NEDD9: variants seen among roughly 807,000 people sequenced by gnomAD.
The protein encoded by NEDD9 is neural precursor cell expressed, developmentally down-regulated 9, also known as enhancer of filamentation 1.
A neutral mutation model predicts 76.6 loss-of-function variants in NEDD9; 26 were observed. That is an observed-to-expected ratio of 0.34 (90% confidence interval 0.25 to 0.47). NEDD9 has a LOEUF of 0.47. NEDD9 is among the 20% of genes least tolerant of loss of function. NEDD9 has a pLI of 1.00. For missense variants in NEDD9, 937 were observed against 1,058.5 expected (o/e 0.89, Z 1.59); for synonymous variants, 392 against 414.2 (o/e 0.95, Z 0.65).
At chr6:11,357,767 C>T (rs1214115552) in intron 1 of NEDD9, among the ~76,000 whole-genome samples, 1 of 152,174 alleles carries the variant, frequency 6.6e-6, no homozygotes, top group Non-Finnish European at 1.5e-5. Flanking sequence ...GGAAGCAGTC[C>T]TTGGAAAGAG....
chr6:11,270,763 C>T (rs952450018), intron 3 of NEDD9, among the ~76,000 whole-genome samples: 9 of 152,176 alleles, frequency 5.9e-5, no homozygotes, highest in African/African-American at 1.9e-4. Flanking sequence ...TAGTTATTTA[C>T]GTTCAGTCTA....
chr6:11,345,807 G>A (rs1054214184), intron 1 of NEDD9, among the ~76,000 whole-genome samples: 4 of 151,952 alleles, frequency 2.6e-5, no homozygotes, highest in Non-Finnish European at 5.9e-5. Context: ...TTTTAGCTGA[G>A]ATCGAAGGCC....
At chr6:11,220,797 A>C (rs907796319) in intron 1 of NEDD9, among the ~76,000 whole-genome samples, 2 of 152,190 alleles carry the variant, frequency 1.3e-5, no homozygotes, top group African/African-American at 2.4e-5. Context: ...GGGTTCCTCA[A>C]AAGCTGGGTT....
At chr6:11,196,999 G>C (rs113200998) in intron 2 of NEDD9, among the ~76,000 whole-genome samples, 2,415 of 152,098 alleles carry the variant, frequency 0.016, 60 homozygotes, top group African/African-American at 0.055. Flanking sequence ...GTTCATTAAG[G>C]CTTTTTCTTG....
chr6:11,301,317 C>A (rs1761039572), intron 3 of NEDD9, among the ~76,000 whole-genome samples: 1 of 152,208 alleles, frequency 6.6e-6, no homozygotes. Context: ...GAAGAGCTAA[C>A]TATCCTAAAT....
At chr6:11,315,105 T>C (rs568268279) in intron 2 of NEDD9, among the ~76,000 whole-genome samples, 1 of 152,296 alleles carries the variant, frequency 6.6e-6, no homozygotes, top group South Asian at 2.1e-4. Flanking sequence ...ACAGAACTAC[T>C]TCCTGGGCTG....
chr6:11,231,471 G>A (rs939339884), intron 1 of NEDD9, among the ~76,000 whole-genome samples: 1 of 152,296 alleles, frequency 6.6e-6, no homozygotes, highest in African/African-American at 2.4e-5. Context: ...GAAAAAAAGC[G>A]AAGTAGCTTC....
At chr6:11,360,964 AC>A (rs1232065851) in intron 1 of NEDD9, among the ~76,000 whole-genome samples, 1 of 152,194 alleles carries the variant, frequency 6.6e-6, no homozygotes, top group East Asian at 1.9e-4. Context: ...CCAAAGTAAA[AC>A]TAATGTATCA....
chr6:11,322,089 C>T (rs1230783055), intron 2 of NEDD9, among the ~76,000 whole-genome samples: 1 of 152,120 alleles, frequency 6.6e-6, no homozygotes, highest in African/African-American at 2.4e-5. Flanking sequence ...GAAAACCAAA[C>T]ACCACATGTT....
chr6:11,323,890 G>A (rs571769458), intron 2 of NEDD9, among the ~76,000 whole-genome samples: 1 of 152,308 alleles, frequency 6.6e-6, no homozygotes, highest in African/African-American at 2.4e-5. Flanking sequence ...TGATAAATCA[G>A]GAAAAGCATT....
At chr6:11,351,981 G>T (rs1762481196) in intron 1 of NEDD9, among the ~76,000 whole-genome samples, 2 of 152,204 alleles carry the variant, frequency 1.3e-5, no homozygotes, top group Non-Finnish European at 2.9e-5. Flanking sequence ...GGCTACTGAG[G>T]TTTCTCCAGT....
In NEDD9 at chr6:11,336,617, C is replaced by T. The variant is rs537422713; in HGVS notation, c.-213-2056G>A. ...AGTCAGTGAGTGAATGTGAAGGCCTCGGACATTACCGTACACTACTGTAGA... is the reference window on the plus strand; with the variant it reads ...AGTCAGTGAGTGAATGTGAAGGCCTTGGACATTACCGTACACTACTGTAGA... On this transcript the variant is annotated intron_variant, in intron 1 of 3. Transcript: ENST00000397378. 7.9e-5 allele frequency among the ~76,000 whole-genome samples: 12 copies of T among 152,274 alleles called. 2 individuals carry two copies. In the South Asian group the frequency reaches 1.9e-3, roughly 24 times the overall value.
intron 1 of NEDD9, among the ~76,000 whole-genome samples, chr6:11,366,304 AAAGAAAG>A (rs1582052269): frequency 2.4e-5 from 3 of 124,816 alleles, no homozygotes; most frequent in Admixed American, 8.3e-5. Context: ...GGAAAGAAAG[AAAGAAAG>A]AGAAAGAAAG....
At chr6:11,346,487 C>G (rs950512718) in intron 1 of NEDD9, among the ~76,000 whole-genome samples, 12 of 151,862 alleles carry the variant, frequency 7.9e-5, no homozygotes, top group South Asian at 4.2e-4. Context: ...GCCCCCCCCC[C>G]CGAGGTGAGT....
At chr6:11,316,462 CT>C (rs1761564849) in intron 2 of NEDD9, among the ~76,000 whole-genome samples, 2 of 152,318 alleles carry the variant, frequency 1.3e-5, no homozygotes, top group East Asian at 3.9e-4. Context: ...TCCCAGCTCC[CT>C]TCATTCTGTC....
intron 6 of NEDD9, among the ~76,000 whole-genome samples, chr6:11,187,779 C>G (rs960945): frequency 2.0e-5 from 3 of 151,998 alleles, no homozygotes; most frequent in Admixed American, 6.5e-5. Flanking sequence ...GTGAAGTAGA[C>G]TGATAGAAAG....
chr6:11,319,763 A>C (rs866402080), intron 2 of NEDD9, among the ~76,000 whole-genome samples: 1 of 105,822 alleles, frequency 9.4e-6, no homozygotes, highest in Non-Finnish European at 2.1e-5. Context: ...CATGCACACT[A>C]ACATGCACAC....
intron 1 of NEDD9, among the ~76,000 whole-genome samples, chr6:11,218,592 A>G (rs894212672): frequency 1.3e-5 from 2 of 152,176 alleles, no homozygotes; most frequent in African/African-American, 4.8e-5. Flanking sequence ...ACTTTACCCC[A>G]GTATCCGAAA....
In NEDD9 at chr6:11,188,292, C is replaced by T. The variant is rs1409955441; in HGVS notation, c.1921G>A (p.Glu641Lys). 1.2e-6 allele frequency: 2 copies of T among 1,613,630 alleles called. No homozygotes were observed. Among genetic ancestry groups the T allele is most frequent in the Non-Finnish European group, 1.7e-6 (2 of 1,179,628 alleles). The change falls in exon 6 of 7, where the codon GAG becomes AAG. Residue 641 changes from glutamate to lysine, a missense_variant. Transcript: ENST00000379446. Reference protein sequence around the residue: ...YVHLQGKEEFERQQKELLEKE... With the variant: ...YVHLQGKEEFKRQQKELLEKE... ...TCCAATAGCTCTTTCTGTTGCCTCT[C>T]AAACTCCTCCTTACCCTGTTAATTT...
Sources: allele counts gnomAD v4.1 joint callset (sites outside exome capture counted in the v4.1 genomes callset), GRCh38; gene constraint gnomAD v4.1.1; transcripts MANE v1.5; gene names NCBI Gene and HGNC (gene_info 2026-07-23, HGNC 2026-07-21).